Variants in TEX9 observed in about 807,000 individuals in gnomAD.
TEX9 encodes testis-expressed protein 9.
In TEX9, 74 loss-of-function variants were observed where a neutral mutation model predicts 59.6. The ratio of observed to expected loss-of-function variants is 1.24; its 90% CI spans 1.03 to 1.51. The LOEUF (loss-of-function observed/expected upper bound fraction) is 1.51, where lower values mean the gene tolerates loss of function less well. Ranked by LOEUF, TEX9 falls within the 40% of genes most tolerant of loss-of-function variation. The probability of loss-of-function intolerance (pLI) is 0.00; values close to 1 mark genes in which losing one functional copy is unlikely to be tolerated. For missense variants in TEX9, 522 were observed against 447.8 expected, an observed-to-expected ratio of 1.17 and a Z score of -1.49; for synonymous variants, 186 against 152.2, an observed-to-expected ratio of 1.22 and a Z score of -1.64.
intron 1 of TEX9, among the ~76,000 whole-genome samples, chr15:56,329,786 C>T (rs2046102602): frequency 6.6e-6 from 1 of 152,032 alleles, no homozygotes; most frequent in African/African-American, 2.4e-5. Flanking sequence ...TGAAGCAAGC[C>T]TACAAGACCT....
chr15:56,309,898 A>G (rs1596079093), intron 1 of TEX9, among the ~76,000 whole-genome samples: 1 of 151,786 alleles, frequency 6.6e-6, no homozygotes, highest in East Asian at 1.9e-4. Flanking sequence ...AAAAAGCTGG[A>G]GGTGGGCACT....
chr15:56,437,664 G>A (rs2050750512), intron 12 of TEX9, among the ~76,000 whole-genome samples: 1 of 152,180 alleles, frequency 6.6e-6, no homozygotes, highest in Admixed American at 6.5e-5. Flanking sequence ...TAGGAAAAGA[G>A]GAAGTCAAAT....
chr15:56,412,253 G>T (rs1596210415), intron 9 of TEX9, 49 bp from the exon 10 acceptor site: 1 of 1,531,428 alleles, frequency 6.5e-7, no homozygotes, highest in Non-Finnish European at 8.8e-7. Context: ...GATAAAGGGG[G>T]AAACTATGAT....
At chr15:56,345,058 C>T (rs201920175) in intron 1 of TEX9, among the ~76,000 whole-genome samples, 15 of 66,094 alleles carry the variant, frequency 2.3e-4, no homozygotes, top group South Asian at 8.1e-4. Flanking sequence ...TATATATATA[C>T]ACACACACAT....
At chr15:56,361,520 GA>G (rs1479066100), upstream of TEX9, among the ~76,000 whole-genome samples, 1 of 152,026 alleles carries the variant, frequency 6.6e-6, no homozygotes, top group Non-Finnish European at 1.5e-5. Flanking sequence ...TTTTGTTATT[GA>G]TTTTTAGTTT....
intron 1 of TEX9, among the ~76,000 whole-genome samples, chr15:56,317,403 A>T (rs1451602074): frequency 1.3e-5 from 2 of 152,174 alleles, no homozygotes; most frequent in Admixed American, 6.5e-5. Context: ...TCTTAATGTT[A>T]GCAATTTAAG....
intron 1 of TEX9, among the ~76,000 whole-genome samples, chr15:56,341,304 C>T (rs374845037): frequency 1.3e-5 from 2 of 152,062 alleles, no homozygotes; most frequent in Admixed American, 1.3e-4. Flanking sequence ...TAAATGCCAG[C>T]GATATTACAC....
At chr15:56,325,014 A>G (rs1317786182) in intron 1 of TEX9, among the ~76,000 whole-genome samples, 1 of 152,194 alleles carries the variant, frequency 6.6e-6, no homozygotes, top group African/African-American at 2.4e-5. Flanking sequence ...GAAGGTTCCA[A>G]TAGAGCCTAA....
intron 1 of TEX9, among the ~76,000 whole-genome samples, chr15:56,309,709 T>TGGGAG (rs2045564971): frequency 7.5e-6 from 1 of 132,512 alleles, no homozygotes; most frequent in African/African-American, 2.6e-5. Context: ...TTTTTTTTTT[T>TGGGAG]TTTTTTTTTT....
intron 10 of TEX9, among the ~76,000 whole-genome samples, chr15:56,414,837 G>A (rs1029712376): frequency 3.3e-5 from 5 of 151,798 alleles, no homozygotes; most frequent in African/African-American, 4.9e-5. Flanking sequence ...CACAATGGTT[G>A]AACTAATTTA....
At chr15:56,382,566 A>G (rs2047778079) in intron 3 of TEX9, among the ~76,000 whole-genome samples, 1 of 152,054 alleles carries the variant, frequency 6.6e-6, no homozygotes, top group Non-Finnish European at 1.5e-5. Context: ...AGGTCCCTTT[A>G]TTTAGCAGGT....
intron 1 of TEX9, among the ~76,000 whole-genome samples, chr15:56,337,261 G>T (rs2046275055): frequency 6.6e-6 from 1 of 152,128 alleles, no homozygotes; most frequent in South Asian, 2.1e-4. Flanking sequence ...GCTGGGCTAA[G>T]TGGCTTATCT....
intron 1 of TEX9, among the ~76,000 whole-genome samples, chr15:56,321,620 G>A (rs371011660): frequency 2.6e-5 from 4 of 152,198 alleles, no homozygotes; most frequent in South Asian, 4.1e-4. Context: ...AGGAATCTGA[G>A]CCAAGCCAGG....
chr15:56,299,363 C>T (rs1315361401), intron 1 of TEX9, among the ~76,000 whole-genome samples: 1 of 152,176 alleles, frequency 6.6e-6, no homozygotes, highest in Non-Finnish European at 1.5e-5. Flanking sequence ...GGGGAATTGC[C>T]CATCCCAGTG....
exon 1 of TEX9, chr15:56,365,452 TGGC>T (rs1567099846): frequency 1.9e-6 from 3 of 1,610,260 alleles, no homozygotes; most frequent in Admixed American, 1.7e-5. Context: ...TCGCCGAAGA[TGGC>T]GGGGCGAAGT....
intron 1 of TEX9, among the ~76,000 whole-genome samples, chr15:56,316,932 C>T (rs2045784494): frequency 6.6e-6 from 1 of 152,222 alleles, no homozygotes; most frequent in Admixed American, 6.5e-5. Flanking sequence ...GTCCGTCACC[C>T]CTTTCTTTGA....
intron 1 of TEX9, among the ~76,000 whole-genome samples, chr15:56,259,501 GA>G (rs1167309969): frequency 6.6e-6 from 1 of 151,588 alleles, no homozygotes; most frequent in South Asian, 2.1e-4. Context: ...ATCATTTATT[GA>G]AAAAAAATCT....
chr15:56,349,342 C>A (rs2046531509), intron 1 of TEX9, among the ~76,000 whole-genome samples: 1 of 152,132 alleles, frequency 6.6e-6, no homozygotes, highest in South Asian at 2.1e-4. Context: ...TAATATTGAT[C>A]ATTAATTGAG....
At chr15:56,448,709 C>G (rs1020812997), downstream of TEX9, among the ~76,000 whole-genome samples, 12 of 146,240 alleles carry the variant, frequency 8.2e-5, no homozygotes, top group Admixed American at 8.2e-4. Context: ...AATGCATATG[C>G]TTTTTTTGGT....
Sources: gnomAD v4.1 joint callset for allele counts (sites outside exome capture counted in the v4.1 genomes callset) on GRCh38, gnomAD v4.1.1 for gene constraint, MANE v1.5 for transcripts, NCBI Gene and HGNC (gene_info 2026-07-23, HGNC 2026-07-21) for gene names.